The following COL9A1 variants were observed in gnomAD, a reference collection of about 807,000 sequenced individuals.
COL9A1 encodes collagen alpha-1(IX) chain.
In COL9A1, 104 loss-of-function variants were observed where a neutral mutation model predicts 142.6. That is an observed-to-expected ratio of 0.73 (90% CI 0.62 to 0.86). The LOEUF is 0.86. COL9A1 is among the 40% of genes least tolerant of loss of function. The pLI is 0.00. For synonymous variants in COL9A1, 466 were observed against 396.0 expected, an observed-to-expected ratio of 1.18 and a Z score of -2.10; for missense variants, 1,210 against 1,176.6, an observed-to-expected ratio of 1.03 and a Z score of -0.42.
At chr6:70,281,614 C>G (rs1773173217) in intron 7 of COL9A1, 150 bp from the exon 8 acceptor site, 2 of 609,428 alleles carry the variant, frequency 3.3e-6, no homozygotes, top group South Asian at 2.0e-5. Flanking sequence ...ATGTCTCAGA[C>G]CTCCAAGCAA....
At chr6:70,233,932 T>C (rs1459340404) in intron 35 of COL9A1, among the ~76,000 whole-genome samples, 1 of 152,264 alleles carries the variant, frequency 6.6e-6, no homozygotes, top group Non-Finnish European at 1.5e-5. Flanking sequence ...CTTCATTTTC[T>C]GTGTGTTTTT....
chr6:70,275,532 A>T (rs1772702745), intron 10 of COL9A1, among the ~76,000 whole-genome samples: 1 of 152,102 alleles, frequency 6.6e-6, no homozygotes, highest in African/African-American at 2.4e-5. Context: ...TTAAATACAT[A>T]TTCTAAACAT....
In COL9A1 at chr6:70,230,849, G is replaced by A. The variant is rs1216921051; in HGVS notation, c.2503+1734C>T. Among the ~76,000 whole-genome samples, 3 of 152,208 alleles carry A rather than the reference G, an allele frequency of 2.0e-5. No individual in the cohort carries two copies. The East Asian group carries it at 5.8e-4, about 29-fold the overall frequency. ...CAGGCAATTCCAGTGTGCAGGCAAG[G>A]CTGACAAAGGCAGCTTTAGACTGTC... On this transcript the variant is annotated intron_variant, in intron 36 of 37. Coordinates refer to ENST00000357250, the MANE Select transcript of COL9A1 (RefSeq NM_001851.6).
At chr6:70,272,221 G>T in intron 12 of COL9A1, 133 bp from the exon 13 acceptor site, 44 of 645,020 alleles carry the variant, frequency 6.8e-5, no homozygotes, top group East Asian at 1.6e-4. Context: ...AGAAAGCACT[G>T]AATAAAGAAA....
At chr6:70,292,707 T>C (rs1201559975) in intron 5 of COL9A1, among the ~76,000 whole-genome samples, 1 of 152,184 alleles carries the variant, frequency 6.6e-6, no homozygotes, top group Non-Finnish European at 1.5e-5. Context: ...CTGATGTTTG[T>C]AACAGTGAGG....
chr6:70,293,188 T>C (rs960931381), intron 5 of COL9A1, among the ~76,000 whole-genome samples: 1 of 152,316 alleles, frequency 6.6e-6, no homozygotes, highest in African/African-American at 2.4e-5. Context: ...CGTGCTAGTA[T>C]GAGAGAAAGA....
At chr6:70,222,788 A>G (rs1451366910) in intron 37 of COL9A1, 1 of 152,118 alleles carries the variant, frequency 6.6e-6, no homozygotes, top group African/African-American at 2.4e-5. Flanking sequence ...CAACAACAGG[A>G]ACAACAAAGA....
intron 37 of COL9A1, 56 bp downstream of exon 37, chr6:70,225,875 CT>C: frequency 8.3e-7 from 1 of 1,210,654 alleles, no homozygotes; most frequent in Non-Finnish European, 1.2e-6. Flanking sequence ...TCAATTCAGG[CT>C]GTGTACTTGC....
At chr6:70,283,101 C>T (rs867323805) in intron 6 of COL9A1, 183 bp from the exon 7 acceptor site, 2 of 1,531,252 alleles carry the variant, frequency 1.3e-6, no homozygotes, top group Admixed American at 3.9e-5. Flanking sequence ...AGCCTGGTTC[C>T]CCTCTAGGCT....
chr6:70,256,841 T>A lies in COL9A1; in HGVS notation c.1450-20A>T. ...AGCACCCTGCAAAAAAACAAGACAA[T>A]GGAAAAAAACTGAGATCAGTCATGT... On this transcript the variant is annotated intron_variant, in intron 20 of 37. Transcript: ENST00000357250. The A allele has an allele frequency of 6.2e-7, 1 of 1,612,808 alleles. No homozygotes were observed. Among genetic ancestry groups the A allele is most frequent in the East Asian group, 2.2e-5 (1 of 44,824 alleles).
intron 33 of COL9A1, 108 bp from the exon 34 acceptor site, chr6:70,235,048 T>A (rs1769819080): frequency 9.7e-6 from 13 of 1,345,000 alleles, no homozygotes; most frequent in Admixed American, 3.8e-5. Flanking sequence ...GCACTCTGCA[T>A]CCTAACAGGT....
At chr6:70,297,897 A>G (rs1773904781) in intron 4 of COL9A1, among the ~76,000 whole-genome samples, 1 of 152,162 alleles carries the variant, frequency 6.6e-6, no homozygotes, top group African/African-American at 2.4e-5. Flanking sequence ...TCAAAAAAAA[A>G]ATAGAAAAGA....
At chr6:70,285,088 A>G (rs1458393475) in intron 5 of COL9A1, among the ~76,000 whole-genome samples, 1 of 152,258 alleles carries the variant, frequency 6.6e-6, no homozygotes, top group Non-Finnish European at 1.5e-5. Flanking sequence ...ATAGTTCATT[A>G]AAGTTACTTA....
At chr6:70,242,277 A>C in intron 29 of COL9A1, 1 of 589,648 alleles carries the variant, frequency 1.7e-6, no homozygotes, top group Admixed American at 2.7e-5. Context: ...TGGCAACAGT[A>C]GGCTTTTTCA....
rs1571396 is a variant in COL9A1, at chr6:70,254,633, C to T, written c.1666-104G>A. 4.6e-4 allele frequency: 489 copies of T among 1,072,578 alleles called. 2 individuals are homozygous for T. In the African/African-American group the frequency reaches 6.7e-3, roughly 15 times the overall value. The allele number at this position is 1,072,578 out of a possible 1,614,324, so 66.4% of individuals were successfully genotyped here. On this transcript the variant is annotated intron_variant, in intron 24 of 37. Transcript: ENST00000357250. ...GTTTTAAGTAAAAGGATTGTCCCAA[C>T]AGCTGACTTTACATGCACTTTTATA...
intron 12 of COL9A1, 73 bp from the exon 13 acceptor site, chr6:70,272,161 C>A: frequency 7.9e-7 from 1 of 1,261,012 alleles, no homozygotes; most frequent in South Asian, 1.3e-5. Context: ...AGACATAACT[C>A]AGCTAAAATA....
At chr6:70,289,747 A>G (rs1195952916) in intron 5 of COL9A1, among the ~76,000 whole-genome samples, 1 of 152,192 alleles carries the variant, frequency 6.6e-6, no homozygotes, top group Non-Finnish European at 1.5e-5. Context: ...TAATAGTTTT[A>G]TGCATAATAG....
chr6:70,218,204 C>T (rs946567538), intron 37 of COL9A1, among the ~76,000 whole-genome samples: 2 of 152,140 alleles, frequency 1.3e-5, no homozygotes, highest in Admixed American at 6.5e-5. Context: ...GCTATTATTA[C>T]AATTATTAAG....
chr6:70,271,198 A>G (rs1409180602), intron 14 of COL9A1, among the ~76,000 whole-genome samples: 1 of 152,214 alleles, frequency 6.6e-6, no homozygotes, highest in East Asian at 1.9e-4. Flanking sequence ...CTTAATATCA[A>G]TATGAAGCAT....
Sources: allele counts gnomAD v4.1 joint callset (sites outside exome capture counted in the v4.1 genomes callset), GRCh38; gene constraint gnomAD v4.1.1; transcripts MANE v1.5; gene names NCBI Gene and HGNC (gene_info 2026-07-23, HGNC 2026-07-21).